KRABD4: variants seen among roughly 807,000 people sequenced by gnomAD.
KRABD4 encodes the protein KRAB domain containing 4.
At chrX:46,462,758 C>A in the KRABD4 span, 1 of 1,209,626 alleles carries the variant, frequency 8.3e-7, no homozygotes, top group African/African-American at 1.8e-5. Flanking sequence ...GAATCATTGA[C>A]CTTCAAGGAC....
the KRABD4 span, chrX:46,472,073 A>T: frequency 8.9e-6 from 1 of 112,183 alleles, no homozygotes; most frequent in East Asian, 2.8e-4. Flanking sequence ...CTATGAAAGC[A>T]TCACTGCAGA....
chrX:46,462,205 A>G, the KRABD4 span, among the ~76,000 whole-genome samples: 5 of 112,250 alleles, frequency 4.5e-5, no homozygotes, highest in Non-Finnish European at 9.4e-5. Context: ...TGACTGGCAT[A>G]AGAACAATTA....
chrX:46,468,505 C>T, the KRABD4 span, among the ~76,000 whole-genome samples: 3 of 109,651 alleles, frequency 2.7e-5, no homozygotes, highest in Non-Finnish European at 5.7e-5. Flanking sequence ...TCCAGCGCTC[C>T]AGTACTCCAG....
At chrX:46,461,591 G>A in the KRABD4 span, among the ~76,000 whole-genome samples, 1 of 111,816 alleles carries the variant, frequency 8.9e-6, no homozygotes, top group South Asian at 3.7e-4. Flanking sequence ...AAGTGTGGGC[G>A]TGACAGGATG....
the KRABD4 span, among the ~76,000 whole-genome samples, chrX:46,461,628 A>C: frequency 2.0e-4 from 22 of 111,777 alleles, no homozygotes; most frequent in African/African-American, 6.5e-4. Flanking sequence ...CAGGCGGGTT[A>C]TTAGTCTTTG....
chrX:46,452,551 C>T, the KRABD4 span, among the ~76,000 whole-genome samples: 4 of 111,520 alleles, frequency 3.6e-5, no homozygotes, highest in African/African-American at 9.8e-5. Flanking sequence ...TGGCCTACCC[C>T]GCTTACAAAA....
At chrX:46,469,001 T>C in the KRABD4 span, among the ~76,000 whole-genome samples, 1 of 111,996 alleles carries the variant, frequency 8.9e-6, no homozygotes, top group African/African-American at 3.2e-5. Context: ...AAATATATAA[T>C]GTAAACATTC....
the KRABD4 span, chrX:46,462,602 A>T: frequency 9.9e-7 from 1 of 1,014,631 alleles, no homozygotes; most frequent in Non-Finnish European, 1.3e-6. Flanking sequence ...GACCTGGGTT[A>T]GTTACTTAGG....
At chrX:46,461,659 A>G in the KRABD4 span, among the ~76,000 whole-genome samples, 1 of 112,220 alleles carries the variant, frequency 8.9e-6, no homozygotes, top group Admixed American at 9.4e-5. Flanking sequence ...GGGCGCTTGT[A>G]GAAGTGAGTT....
chrX:46,463,205 A>G, the KRABD4 span: 3 of 1,210,204 alleles, frequency 2.5e-6, no homozygotes, highest in Admixed American at 2.2e-5. Flanking sequence ...CAGGGTATCT[A>G]GTTGCGAAGC....
At chrX:46,468,482 C>T in the KRABD4 span, among the ~76,000 whole-genome samples, 10 of 110,260 alleles carry the variant, frequency 9.1e-5, no homozygotes, top group South Asian at 3.8e-4. Context: ...GAGCCAAGAC[C>T]GCACTGCTGT....
At chrX:46,447,557 G>A in the KRABD4 span, among the ~76,000 whole-genome samples, 1 of 111,220 alleles carries the variant, frequency 9.0e-6, no homozygotes, top group Non-Finnish European at 1.9e-5. Context: ...GGTTCCCTGA[G>A]ACCCGCAGGC....
At chrX:46,451,634 G>A in the KRABD4 span, among the ~76,000 whole-genome samples, 1 of 111,019 alleles carries the variant, frequency 9.0e-6, no homozygotes, top group Non-Finnish European at 1.9e-5. Flanking sequence ...CTTAAGTTTT[G>A]CCCTCCGAAA....
chrX:46,463,960 A>G, the KRABD4 span, among the ~76,000 whole-genome samples: 1 of 109,673 alleles, frequency 9.1e-6, no homozygotes, highest in African/African-American at 3.3e-5. Context: ...GACTCTTACA[A>G]ATCTGACTTC....
chrX:46,455,834 A>T, the KRABD4 span: 25 of 346,510 alleles, frequency 7.2e-5, no homozygotes, highest in South Asian at 7.7e-4. Flanking sequence ...CAGGCATAGT[A>T]AGCATGAGGT....
At chrX:46,469,541 G>T in the KRABD4 span, among the ~76,000 whole-genome samples, 1 of 111,763 alleles carries the variant, frequency 8.9e-6, no homozygotes, top group Non-Finnish European at 1.9e-5. Context: ...TTCCATATTG[G>T]CTTTGTATCC....
chrX:46,449,746 T>C, the KRABD4 span, among the ~76,000 whole-genome samples: 12 of 112,272 alleles, frequency 1.1e-4, no homozygotes, highest in African/African-American at 3.9e-4. Flanking sequence ...TGCTGGATAT[T>C]TAGTTGCTTC....
chrX:46,474,312 A>G, the KRABD4 span: 1 of 112,005 alleles, frequency 8.9e-6, no homozygotes, highest in African/African-American at 3.2e-5. Context: ...TGAAACTGCA[A>G]AAGTTGTGGC....
chrX:46,472,804 T>G, the KRABD4 span: 1 of 1,211,764 alleles, frequency 8.3e-7, no homozygotes, highest in African/African-American at 1.7e-5. Context: ...CAAGACAAAC[T>G]TCCTTGGCAA....
Sources: allele counts gnomAD v4.1 joint callset (sites outside exome capture counted in the v4.1 genomes callset), GRCh38; gene constraint gnomAD v4.1.1; transcripts MANE v1.5; gene names NCBI Gene and HGNC (gene_info 2026-07-23, HGNC 2026-07-21).